The following KLHL1 variants were observed in gnomAD, a reference collection of about 807,000 sequenced individuals.
KLHL1 encodes kelch-like protein 1.
A neutral mutation model predicts 77.7 loss-of-function variants in KLHL1; 47 were observed. That is an observed-to-expected ratio of 0.60 (90% confidence interval 0.48 to 0.77). KLHL1 has a LOEUF of 0.77. KLHL1 is among the 30% of genes least tolerant of loss of function. The pLI is 0.00. For synonymous variants in KLHL1, 360 were observed against 325.2 expected, an observed-to-expected ratio of 1.11 and a Z score of -1.15; for missense variants, 925 against 910.8, an observed-to-expected ratio of 1.02 and a Z score of -0.20.
At chr13:70,059,482 C>A (rs541527378) in intron 1 of KLHL1, among the ~76,000 whole-genome samples, 16 of 152,180 alleles carry the variant, frequency 1.1e-4, no homozygotes, top group African/African-American at 3.9e-4. Context: ...GCAAATATTT[C>A]ATGAGTAATA....
intron 4 of KLHL1, 100 bp from the exon 5 acceptor site, chr13:69,882,595 A>T: frequency 1.3e-6 from 1 of 741,394 alleles, no homozygotes; most frequent in Non-Finnish European, 2.2e-6. Flanking sequence ...CTTTGTTCTT[A>T]TTATAACATA....
At chr13:69,732,426 C>T (rs1873586907) in intron 8 of KLHL1, among the ~76,000 whole-genome samples, 1 of 151,998 alleles carries the variant, frequency 6.6e-6, no homozygotes, top group Admixed American at 6.6e-5. Flanking sequence ...TCAGATTGTA[C>T]ATCCAGAAAC....
chr13:69,944,988 T>C (rs1161437480), intron 3 of KLHL1, among the ~76,000 whole-genome samples: 1 of 143,066 alleles, frequency 7.0e-6, no homozygotes, highest in African/African-American at 2.6e-5. Flanking sequence ...CTTTTTTTTT[T>C]TTTTTTTTTT....
chr13:69,757,957 CAAAAAAAAAAAA>C (rs59302694), intron 7 of KLHL1, among the ~76,000 whole-genome samples: 2 of 73,124 alleles, frequency 2.7e-5, no homozygotes, highest in East Asian at 5.4e-4. Context: ...AACTCCATCT[CAAAAAAAAAAAA>C]AAAAAAAAAA....
intron 1 of KLHL1, among the ~76,000 whole-genome samples, chr13:69,992,277 A>G (rs2137314386): frequency 6.6e-6 from 1 of 152,144 alleles, no homozygotes; most frequent in Non-Finnish European, 1.5e-5. Flanking sequence ...ATATTCTAGG[A>G]CTGAAAGACC....
intron 4 of KLHL1, among the ~76,000 whole-genome samples, chr13:69,885,009 C>T (rs1881154689): frequency 7.6e-6 from 1 of 130,954 alleles, no homozygotes; most frequent in South Asian, 2.2e-4. Flanking sequence ...GGCGCAATCT[C>T]GGCTCACTGC....
intron 6 of KLHL1, among the ~76,000 whole-genome samples, chr13:69,832,398 G>A (rs1288554390): frequency 6.7e-6 from 1 of 149,654 alleles, no homozygotes; most frequent in African/African-American, 2.5e-5. Context: ...CCTAAGCAAG[G>A]AGGTGAAAGA....
At chr13:69,913,039 G>A (rs1328721481) in intron 4 of KLHL1, among the ~76,000 whole-genome samples, 2 of 152,118 alleles carry the variant, frequency 1.3e-5, no homozygotes, top group African/African-American at 2.4e-5. Flanking sequence ...TCACCATCTA[G>A]TCCCTCATGG....
intron 1 of KLHL1, among the ~76,000 whole-genome samples, chr13:70,094,920 A>C (rs1887751135): frequency 6.6e-6 from 1 of 152,170 alleles, no homozygotes; most frequent in African/African-American, 2.4e-5. Context: ...TGACAAGAGA[A>C]GTGAGAAAGT....
At position 69,996,910 on chromosome 13, in the gene KLHL1, A is replaced by ATTT. The variant is rs10549532; in HGVS notation, c.498-21111_498-21109dup. ...GAAAAGTTCTTATTTTATTCATTAA[A>ATTT]TTTTTTTTTTTTTTTTTTTTTTTTT... On this transcript the variant is annotated intron_variant, in intron 1 of 10. Coordinates refer to ENST00000377844, the MANE Select transcript of KLHL1 (RefSeq NM_020866.3). Among the ~76,000 whole-genome samples, 459 of 71,210 alleles carry ATTT rather than the reference A, an allele frequency of 6.4e-3. 26 individuals are homozygous for ATTT. Among genetic ancestry groups the ATTT allele is most frequent in the African/African-American group, 0.018 (312 of 17,742 alleles). The allele number at this position is 71,210 out of a possible 152,430, so 46.7% of individuals were successfully genotyped here.
intron 7 of KLHL1, among the ~76,000 whole-genome samples, chr13:69,784,153 C>T (rs1294570764): frequency 4.6e-5 from 7 of 152,112 alleles, no homozygotes; most frequent in African/African-American, 1.2e-4. Flanking sequence ...TTGTCACCAC[C>T]AGGCTTGCCC....
intron 1 of KLHL1, among the ~76,000 whole-genome samples, chr13:70,030,066 CA>C (rs1486719243): frequency 6.6e-6 from 1 of 152,144 alleles, no homozygotes; most frequent in Admixed American, 6.5e-5. Flanking sequence ...TATATTCACC[CA>C]ATACAGGATC....
chr13:70,107,307 T>C lies in KLHL1; in HGVS notation c.393A>G (p.Pro131=), dbSNP rs1888088989. ...CGTGTGGTCCAGGAAAGTCCATGCC[T>C]GGCACCACCTCCTCCTCTAGTGACT... The part of the protein sequence containing the change: ...YVESLEEEVV[P]GMDFPGPHEK... Residue 131 remains proline, a synonymous_variant, in exon 1 of 11, where the codon CCA becomes CCG. Coordinates refer to ENST00000377844, the MANE Select transcript of KLHL1 (RefSeq NM_020866.3). The C allele has an allele frequency of 6.2e-7, 1 of 1,614,162 alleles. No homozygotes were observed. The highest frequency in any genetic ancestry group is 8.5e-7 in the Non-Finnish European group (1 of 1,180,020).
chr13:70,027,313 G>A (rs929174575), intron 1 of KLHL1, among the ~76,000 whole-genome samples: 3 of 151,992 alleles, frequency 2.0e-5, no homozygotes, highest in African/African-American at 7.2e-5. Flanking sequence ...TGACCACTTT[G>A]GTGCCAATAA....
At chr13:69,819,876 T>C (rs1393754330) in intron 6 of KLHL1, among the ~76,000 whole-genome samples, 1 of 152,218 alleles carries the variant, frequency 6.6e-6, no homozygotes, top group African/African-American at 2.4e-5. Context: ...GTCTCAGCTT[T>C]TTAATTGGTT....
At chr13:69,809,834 G>A (rs1246285642) in intron 6 of KLHL1, among the ~76,000 whole-genome samples, 1 of 151,376 alleles carries the variant, frequency 6.6e-6, no homozygotes, top group Non-Finnish European at 1.5e-5. Flanking sequence ...AGAGCCATAG[G>A]TTCAAAGTAA....
intron 1 of KLHL1, among the ~76,000 whole-genome samples, chr13:69,983,592 G>GAAA (rs1566471901): frequency 1.9e-4 from 19 of 100,532 alleles, no homozygotes; most frequent in African/African-American, 8.1e-4. Context: ...AAAAAAAAAA[G>GAAA]AAGAAGAAGA....
At chr13:69,940,480 C>A (rs561313713) in intron 3 of KLHL1, among the ~76,000 whole-genome samples, 27 of 151,992 alleles carry the variant, frequency 1.8e-4, no homozygotes, top group African/African-American at 6.3e-4. Context: ...TCTGTATACA[C>A]GTCAGCAGAA....
At chr13:70,059,953 G>A (rs1886838406) in intron 1 of KLHL1, among the ~76,000 whole-genome samples, 1 of 152,066 alleles carries the variant, frequency 6.6e-6, no homozygotes, top group Non-Finnish European at 1.5e-5. Flanking sequence ...AACCCACTAG[G>A]CCCCTCCTCC....
Sources: gnomAD v4.1 joint callset for allele counts (sites outside exome capture counted in the v4.1 genomes callset) on GRCh38, gnomAD v4.1.1 for gene constraint, MANE v1.5 for transcripts, NCBI Gene and HGNC (gene_info 2026-07-23, HGNC 2026-07-21) for gene names.